NUTM1: variants seen among roughly 807,000 people sequenced by gnomAD.
NUTM1 encodes the protein NUT family member 1.
A neutral mutation model predicts 88.7 loss-of-function variants in NUTM1; 39 were observed. The observed-to-expected ratio is 0.44, with a 90% CI of 0.34 to 0.57. The LOEUF is 0.57. NUTM1 is among the 20% of genes least tolerant of loss of function. The pLI is 0.01. For missense variants in NUTM1, 1,350 were observed against 1,414.5 expected (o/e 0.95, Z 0.73); for synonymous variants, 494 against 538.0 (o/e 0.92, Z 1.13).
intron 2 of NUTM1, among the ~76,000 whole-genome samples, chr15:34,346,881 T>TAAAA (rs10671676): frequency 0.32 from 11,034 of 34,094 alleles, 4,710 homozygotes; most frequent in East Asian, 0.53. Context: ...AGACTCCATC[T>TAAAA]AAAAAAAAAA....
At position 34,355,488 on chromosome 15, in the gene NUTM1, C is replaced by G. The variant is rs1292310808; in HGVS notation, c.1480C>G (p.Leu494Val). 1 of 1,614,072 alleles carries G rather than the reference C, an allele frequency of 6.2e-7. No homozygotes were observed. The highest frequency in any genetic ancestry group is 2.2e-5 in the East Asian group (1 of 44,890). The part of the protein sequence containing the change: ...EQEEGLTLAQ[L>V]VQKRLMALEE... The stretch of plus-strand genomic sequence containing the variant: ...CTGACTATTTGTTCATTTCTTTCAG[C>G]TGGTCCAGAAGCGACTCATGGCCTT... The change falls in exon 8 of 8, where the codon CTG (leucine) becomes GTG (valine). Residue 494 changes from leucine to valine, a missense_variant and splice_region_variant. Leu to Val is a conservative substitution (Grantham distance 32, BLOSUM62 1). Coordinates refer to ENST00000537011, the MANE Select transcript of NUTM1 (RefSeq NM_001284292.2). This position sits in a 1 kb window ranked among gnomAD's most constrained non-coding sequence, Gnocchi z 4.3.
In NUTM1 at chr15:34,355,288, A is replaced by C. The variant is rs1890780855; in HGVS notation, c.1479+151A>C. On this transcript the variant is annotated intron_variant, in intron 7 of 7. Coordinates refer to ENST00000537011, the MANE Select transcript of NUTM1 (RefSeq NM_001284292.2). The surrounding 1 kb of genome is among the most constrained non-coding windows in gnomAD (Gnocchi z 4.3). ...AGTAGGTAGAGGGCTATGGAAACAC[A>C]GGAAATGAGAATGTAAGGGCTCAAA... is the stretch of plus-strand genomic sequence containing the variant. 1.3e-6 allele frequency: 1 copy of C among 742,300 alleles called. No individual in the cohort carries two copies. Among genetic ancestry groups the C allele is most frequent in the Non-Finnish European group, 2.3e-6 (1 of 441,398 alleles). 46.0% of individuals were successfully genotyped at this position (742,300 alleles called of 1,614,324 possible).
At chr15:34,347,920 T>G in intron 2 of NUTM1, 49 bp from the exon 3 acceptor site, 1 of 1,124,664 alleles carries the variant, frequency 8.9e-7, no homozygotes, top group South Asian at 1.7e-5. Context: ...TGGCTAACTC[T>G]GGTCTTCTTT....
At position 34,348,731 on chromosome 15, in the gene NUTM1, T is replaced by G. The variant is rs916859292; in HGVS notation, c.809+54T>G. On this transcript the variant is annotated intron_variant, in intron 3 of 7. Coordinates refer to ENST00000537011, the MANE Select transcript of NUTM1 (RefSeq NM_001284292.2). The stretch of plus-strand genomic sequence containing the variant: ...TCTAGGGCTTTTAAATAAGGAGGAC[T>G]TTGGGGTGAACATAGTAGTTTAGGC... The G allele has an allele frequency of 2.3e-5, 31 of 1,321,436 alleles. No homozygotes were observed. In the Admixed American group the frequency reaches 3.4e-4, roughly 15 times the overall value. 81.9% of individuals were successfully genotyped at this position (1,321,436 alleles called of 1,614,324 possible).
In NUTM1 at chr15:34,348,239, G is replaced by C. The variant is rs200731305; in HGVS notation, c.371G>C (p.Gly124Ala). The change falls in exon 3 of 8, where the codon GGG (glycine) becomes GCG (alanine). Residue 124 changes from glycine to alanine, a missense_variant. By Grantham distance (60) the Gly-to-Ala change is moderately conservative. Transcript: ENST00000537011. ...GTCATTGTCAAAGTCAAGACAGAAG[G>C]GGGGTCAGCTGAGCCCTCTCAAACT... ...GKVIVKVKTE[G>A]GSAEPSQTQN... is the part of the protein sequence containing the mutation. 2.7e-5 allele frequency: 43 copies of C among 1,614,128 alleles called. No homozygotes were observed. In the Admixed American group the frequency reaches 6.7e-4, roughly 25 times the overall value.
At chr15:34,352,313 T>G (rs1205853779) in intron 4 of NUTM1, among the ~76,000 whole-genome samples, 1 of 152,228 alleles carries the variant, frequency 6.6e-6, no homozygotes, top group Non-Finnish European at 1.5e-5. Flanking sequence ...GTCTCAGGAC[T>G]CTGGGATCTC....
intron 3 of NUTM1, 86 bp downstream of exon 3, chr15:34,348,763 G>GGACT: frequency 1.1e-6 from 1 of 883,018 alleles, no homozygotes; most frequent in Non-Finnish European, 1.8e-6. Flanking sequence ...AGGCTGTTTA[G>GGACT]GACTACTTGA....
intron 1 of NUTM1, among the ~76,000 whole-genome samples, chr15:34,344,754 A>G (rs565665268): frequency 6.6e-6 from 1 of 152,194 alleles, no homozygotes; most frequent in East Asian, 1.9e-4. Context: ...ACGGTGGCTC[A>G]CGCCTAGTAA....
chr15:34,344,756 G>T (rs1335303864), intron 1 of NUTM1, among the ~76,000 whole-genome samples: 1 of 152,032 alleles, frequency 6.6e-6, no homozygotes, highest in African/African-American at 2.4e-5. Context: ...GGTGGCTCAC[G>T]CCTAGTAATC....
chr15:34,356,387 G>C lies in NUTM1; in HGVS notation c.2379G>C (p.Arg793Ser), dbSNP rs762796567. The change falls in exon 8 of 8, where the codon AGG becomes AGC. Residue 793 changes from arginine (R) to serine (S), a missense_variant. By Grantham distance (110) the Arg-to-Ser change is moderately radical (BLOSUM62 -1). This residue lies in a region of NUTM1 where 730 missense variants were observed against 728.8 expected (regional missense o/e 1.00). Transcript: ENST00000537011. The stretch of plus-strand genomic sequence containing the variant: ...AAGGCTGCCAGGGACTGGGCTCCAG[G>C]GGCAACATTTCCCTGGGTCCTGGAG... ...YQEGCQGLGS[R>S]GNISLGPGET... 3 of 1,612,802 alleles carry C rather than the reference G, an allele frequency of 1.9e-6. No homozygotes were observed. In the East Asian group the frequency reaches 6.7e-5, roughly 36 times the overall value.
intron 1 of NUTM1, among the ~76,000 whole-genome samples, chr15:34,345,235 C>G (rs1182613385): frequency 6.6e-6 from 1 of 152,086 alleles, no homozygotes; most frequent in Non-Finnish European, 1.5e-5. Flanking sequence ...CGCCAGGAAC[C>G]TTAGCAGATA....
Position 34,343,608 on chromosome 15 carries a change from A to T in NUTM1, c.-89A>T, listed in dbSNP as rs1890526643. 6.5e-7 allele frequency: 1 copy of T among 1,535,384 alleles called. No individual in the cohort carries two copies. Among genetic ancestry groups the T allele is most frequent in the African/African-American group, 1.4e-5 (1 of 73,048 alleles). ...TATTCCGTAAAGCGAAAGAGCGTAA[A>T]GTTATTTTATGAAACTGGTGAAGCA... On this transcript the variant is annotated 5_prime_UTR_variant, in exon 1 of 8. The change creates a new upstream start codon in the 5' untranslated region. Coordinates refer to ENST00000537011, the MANE Select transcript of NUTM1 (RefSeq NM_001284292.2).
chr15:34,355,586 T>C lies in NUTM1; in HGVS notation c.1578T>C (p.Ser526=). 2 of 1,614,172 alleles carry C rather than the reference T, an allele frequency of 1.2e-6. No individual in the cohort carries two copies. Among genetic ancestry groups the C allele is most frequent in the Non-Finnish European group, 1.7e-6 (2 of 1,180,018 alleles). The change falls in exon 8 of 8, where the codon TCT becomes TCC. Residue 526 remains serine (S), a synonymous_variant. Coordinates refer to ENST00000537011, the MANE Select transcript of NUTM1 (RefSeq NM_001284292.2). This position sits in a 1 kb window ranked among gnomAD's most constrained non-coding sequence, Gnocchi z 4.3. ...AGTTGGACTCAAGTCCTTCTGGTTC[T>C]GTTGAGGATGAAGATGGGGATGGGC... ...GAQLDSSPSG[S]VEDEDGDGRL...
intron 5 of NUTM1, 58 bp from the exon 6 acceptor site, chr15:34,354,388 A>G: frequency 6.5e-7 from 1 of 1,538,786 alleles, no homozygotes; most frequent in Non-Finnish European, 9.0e-7. Context: ...ATTCCGAAGG[A>G]GGCAGAATCT....
chr15:34,357,692 G>C lies in NUTM1; in HGVS notation c.*201G>C. ...GCAGGGGGAATTACCTTTGGAAGGA[G>C]CTATATAGAAAAAAAATGAATAAAG... is the stretch of plus-strand genomic sequence containing the variant. On this transcript the variant is annotated 3_prime_UTR_variant, in exon 8 of 8. Transcript: ENST00000537011. 2.1e-6 allele frequency: 2 copies of C among 943,362 alleles called. No individual in the cohort carries two copies. Among genetic ancestry groups the C allele is most frequent in the Non-Finnish European group, 1.7e-6 (1 of 605,266 alleles). 58.4% of individuals were successfully genotyped at this position (943,362 alleles called of 1,614,324 possible). A position where few individuals can be genotyped will look rare whatever the true frequency, so the allele number is the denominator to read the frequency against.
At chr15:34,354,760 T>C in intron 6 of NUTM1, 28 bp downstream of exon 6, 1 of 1,611,036 alleles carries the variant, frequency 6.2e-7, no homozygotes, top group Non-Finnish European at 8.5e-7. Context: ...ATCTTGTTTC[T>C]AGCAGATCCT....
chr15:34,353,176 C>G (rs909868607), intron 4 of NUTM1, among the ~76,000 whole-genome samples: 1 of 151,402 alleles, frequency 6.6e-6, no homozygotes, highest in South Asian at 2.1e-4. Flanking sequence ...TGAGCCACTG[C>G]GCCTGGCCTC....
chr15:34,352,877 CTTTTTTTTTTTTT>C (rs778786955), intron 4 of NUTM1, among the ~76,000 whole-genome samples: 3 of 52,804 alleles, frequency 5.7e-5, no homozygotes, highest in African/African-American at 6.9e-5. Context: ...TCATTCTTAA[CTTTTTTTTTTTTT>C]TTTTTTTTTT....
In NUTM1 at chr15:34,348,441, A is replaced by G; in HGVS notation, c.573A>G (p.Pro191=). 1 of 1,614,078 alleles carries G rather than the reference A, an allele frequency of 6.2e-7. No homozygotes were observed. Among genetic ancestry groups the G allele is most frequent in the Non-Finnish European group, 8.5e-7 (1 of 1,179,944 alleles). Residue 191 remains proline (P), a synonymous_variant, in exon 3 of 8, where the codon CCA becomes CCG. Transcript: ENST00000537011. ...EGPPGLPPQP[P]PPVAQLVPIV... ...CTCCAGGCCTTCCGCCTCAGCCTCC[A>G]CCACCAGTTGCTCAACTGGTCCCCA...
Sources: allele counts gnomAD v4.1 joint callset (sites outside exome capture counted in the v4.1 genomes callset), GRCh38; gene constraint gnomAD v4.1.1; regional missense constraint gnomAD v4.1.1; non-coding constraint Gnocchi (gnomAD v3.1); transcripts MANE v1.5; gene names NCBI Gene and HGNC (gene_info 2026-07-23, HGNC 2026-07-21).